The following DIP2C variants were observed in gnomAD, a reference collection of about 807,000 sequenced individuals.
The protein encoded by DIP2C is DIP2 acetate--CoA ligase C (putative), also known as disco-interacting protein 2 homolog C.
In DIP2C, 33 loss-of-function variants were observed where a neutral mutation model predicts 192.4. The ratio of observed to expected loss-of-function variants is 0.17; its 90% CI spans 0.13 to 0.23. The LOEUF is 0.23. DIP2C is among the 10% of genes least tolerant of loss of function. The pLI is 1.00. For missense variants in DIP2C, 1,537 were observed against 2,110.1 expected, an observed-to-expected ratio of 0.73 and a Z score of 5.32; for synonymous variants, 979 against 864.1, an observed-to-expected ratio of 1.13 and a Z score of -2.33.
intron 6 of DIP2C, among the ~76,000 whole-genome samples, chr10:418,522 C>T (rs938069627): frequency 4.1e-4 from 63 of 152,318 alleles, no homozygotes; most frequent in African/African-American, 1.2e-3. Flanking sequence ...CGAACAGCCG[C>T]TGTAGTCAGA....
chr10:389,611 G>A (rs1414059209), intron 13 of DIP2C, among the ~76,000 whole-genome samples: 2 of 152,180 alleles, frequency 1.3e-5, no homozygotes. Flanking sequence ...CCAGGCCCCG[G>A]CGTGGCTGTG....
At chr10:558,527 G>A (rs527588615) in intron 1 of DIP2C, among the ~76,000 whole-genome samples, 1 of 152,186 alleles carries the variant, frequency 6.6e-6, no homozygotes, top group Non-Finnish European at 1.5e-5. Flanking sequence ...CCAGCGCAGG[G>A]GGACAGGAGC....
chr10:651,194 A>AT lies in DIP2C; in HGVS notation c.85+38299dup, dbSNP rs1186924412. 12 of 717,288 alleles carry AT rather than the reference A, an allele frequency of 1.7e-5. No homozygotes were observed. The highest frequency in any genetic ancestry group is 1.3e-5 in the Non-Finnish European group (5 of 385,120). The allele number at this position is 717,288 out of a possible 1,614,324, so 44.4% of individuals were successfully genotyped here. A position where few individuals can be genotyped will look rare whatever the true frequency, so the allele number is the denominator to read the frequency against. On this transcript the variant is annotated intron_variant, in intron 1 of 36. Coordinates refer to ENST00000280886, the MANE Select transcript of DIP2C (RefSeq NM_014974.3). This position sits in a 1 kb window ranked among gnomAD's most constrained non-coding sequence, Gnocchi z 4.1. Reference sequence around the variant, plus strand: ...GGTCTGGGACCACCGTCCTCCACGCATATCTACAGACCCTGTCCTCACCTG... The same window carrying AT: ...GGTCTGGGACCACCGTCCTCCACGCATTATCTACAGACCCTGTCCTCACCTG...
chr10:623,870 G>A (rs947830817), intron 1 of DIP2C, among the ~76,000 whole-genome samples: 5 of 152,212 alleles, frequency 3.3e-5, no homozygotes, highest in African/African-American at 1.2e-4. Context: ...AGCCCCAACA[G>A]TGAGAAGTGA....
At chr10:606,479 G>A (rs995509660) in intron 1 of DIP2C, among the ~76,000 whole-genome samples, 1 of 151,518 alleles carries the variant, frequency 6.6e-6, no homozygotes, top group Non-Finnish European at 1.5e-5. Flanking sequence ...TACCTGCTGT[G>A]ATCTGAATTC....
intron 24 of DIP2C, among the ~76,000 whole-genome samples, chr10:350,494 T>C (rs1182892970): frequency 6.6e-6 from 1 of 151,934 alleles, no homozygotes; most frequent in East Asian, 1.9e-4. Flanking sequence ...TTTAACAACC[T>C]CTTCTTTGTG....
At chr10:522,120 A>AC (rs1331882490) in intron 1 of DIP2C, among the ~76,000 whole-genome samples, 2 of 149,636 alleles carry the variant, frequency 1.3e-5, no homozygotes, top group Non-Finnish European at 3.0e-5. Flanking sequence ...GCAGCTGCTG[A>AC]CGGTTTTACT....
intron 29 of DIP2C, among the ~76,000 whole-genome samples, chr10:336,948 CGTGTGT>C (rs764208139): frequency 4.3e-5 from 1 of 23,362 alleles, no homozygotes; most frequent in Non-Finnish European, 1.1e-4. Flanking sequence ...GGTGTGTGCG[CGTGTGT>C]GTGTGTTGTG....
Position 651,978 on chromosome 10 carries a change from A to AT in DIP2C, c.85+37515_85+37516insA. The AT allele has an allele frequency of 6.1e-6, 1 of 165,228 alleles. No individual in the cohort carries two copies. 10.2% of individuals were successfully genotyped at this position (165,228 alleles called of 1,614,324 possible). ...GGACCTGCCGAACCTGCGTGTACAG[A>AT]GTCGGCCCTCCGACACACGTTTCAC... On this transcript the variant is annotated intron_variant, in intron 1 of 36. Coordinates refer to ENST00000280886, the MANE Select transcript of DIP2C (RefSeq NM_014974.3). This position sits in a 1 kb window ranked among gnomAD's most constrained non-coding sequence, Gnocchi z 4.1.
intron 1 of DIP2C, among the ~76,000 whole-genome samples, chr10:552,781 G>A (rs764033741): frequency 4.6e-5 from 7 of 152,180 alleles, no homozygotes; most frequent in South Asian, 2.1e-4. Flanking sequence ...CCGGGGAGGC[G>A]GAGCTTGCAC....
intron 3 of DIP2C, among the ~76,000 whole-genome samples, chr10:457,171 C>T (rs1396926923): frequency 3.3e-5 from 5 of 152,130 alleles, no homozygotes; most frequent in African/African-American, 1.2e-4. Context: ...GTGATGACTT[C>T]CAAGCTCCTT....
intron 18 of DIP2C, among the ~76,000 whole-genome samples, chr10:369,008 A>G (rs541890886): frequency 6.6e-6 from 1 of 152,342 alleles, no homozygotes; most frequent in East Asian, 1.9e-4. Context: ...TTCCTCATGC[A>G]TCTGTGGAAA....
chr10:417,629 AGGGCTCG>A (rs1564684344), intron 6 of DIP2C, among the ~76,000 whole-genome samples: 415 of 19,060 alleles, frequency 0.022, 12 homozygotes, highest in Non-Finnish European at 0.04. Context: ...TGCGCCTGTC[AGGGCTCG>A]GATAGGCCTC....
intron 29 of DIP2C, among the ~76,000 whole-genome samples, chr10:333,378 TTTCCAGCCCTAG>T (rs1416234103): frequency 2.0e-5 from 3 of 152,224 alleles, no homozygotes; most frequent in Non-Finnish European, 4.4e-5. Flanking sequence ...GTCAGTCCCA[TTTCCAGCCCTAG>T]CCCCAGTCAT....
intron 1 of DIP2C, among the ~76,000 whole-genome samples, chr10:498,055 G>C (rs1844970491): frequency 6.6e-6 from 1 of 152,128 alleles, no homozygotes; most frequent in Non-Finnish European, 1.5e-5. Flanking sequence ...ATTTTTTGTA[G>C]AGATGGGGTC....
intron 1 of DIP2C, among the ~76,000 whole-genome samples, chr10:526,195 C>T (rs1847040858): frequency 6.6e-6 from 1 of 152,180 alleles, no homozygotes; most frequent in African/African-American, 2.4e-5. Flanking sequence ...CACCTGTGCA[C>T]GGCTCACCAC....
intron 35 of DIP2C, chr10:282,085 C>G (rs1324803315): frequency 6.3e-6 from 1 of 158,426 alleles, no homozygotes; most frequent in African/African-American, 2.4e-5. Flanking sequence ...CTTCCGAGAT[C>G]AGACGAGATT....
chr10:372,957 T>G (rs865908768), intron 17 of DIP2C, among the ~76,000 whole-genome samples: 46 of 152,240 alleles, frequency 3.0e-4, no homozygotes, highest in African/African-American at 1.1e-3. Context: ...AGGGGTACCC[T>G]CCGTGTGCCA....
intron 31 of DIP2C, among the ~76,000 whole-genome samples, chr10:312,103 T>C (rs1956590440): frequency 6.6e-6 from 1 of 152,140 alleles, no homozygotes; most frequent in Non-Finnish European, 1.5e-5. Context: ...CCTGAAAGAA[T>C]CCAGCGCTGG....
Sources: allele counts gnomAD v4.1 joint callset (sites outside exome capture counted in the v4.1 genomes callset), GRCh38; gene constraint gnomAD v4.1.1; non-coding constraint Gnocchi (gnomAD v3.1); transcripts MANE v1.5; gene names NCBI Gene and HGNC (gene_info 2026-07-23, HGNC 2026-07-21).